FAM76B: variants seen among roughly 807,000 people sequenced by gnomAD.
FAM76B encodes family with sequence similarity 76 member B.
Under a neutral mutation model 51.8 loss-of-function variants are expected in FAM76B, and 16 were observed. That is an observed-to-expected ratio of 0.31 (90% CI 0.21 to 0.47). FAM76B has a LOEUF of 0.47. Ranked by LOEUF, FAM76B falls within the 20% of genes least tolerant of loss-of-function variation. The pLI is 1.00. For missense variants in FAM76B, 342 were observed against 392.6 expected (o/e 0.87, Z 1.09); for synonymous variants, 166 against 129.5 (o/e 1.28, Z -1.91).
rs1481778870 is a variant in FAM76B, at chr11:95,770,823, C to T, written c.*738G>A. The T allele has an allele frequency of 6.6e-6, 1 of 151,592 alleles. No individual in the cohort carries two copies. The highest frequency in any genetic ancestry group is 1.9e-4 in the East Asian group (1 of 5,196). The allele number at this position is 151,592 out of a possible 1,614,324, so 9.4% of individuals were successfully genotyped here. Reference sequence around the variant, plus strand: ...ACATTTATTAAACATGATTTTAAAACAAAATGTATGTACAAAAGATCAGCA... The same window carrying T: ...ACATTTATTAAACATGATTTTAAAATAAAATGTATGTACAAAAGATCAGCA... On this transcript the variant is annotated 3_prime_UTR_variant, in exon 10 of 10. Coordinates refer to ENST00000358780, the MANE Select transcript of FAM76B (RefSeq NM_144664.5).
intron 4 of FAM76B, among the ~76,000 whole-genome samples, chr11:95,784,692 A>G (rs1168637437): frequency 6.7e-6 from 1 of 150,248 alleles, no homozygotes; most frequent in African/African-American, 2.5e-5. Context: ...GGTTCACGCC[A>G]TTCTCCTGCC....
intron 8 of FAM76B, among the ~76,000 whole-genome samples, chr11:95,776,285 T>G (rs1860005070): frequency 6.6e-6 from 1 of 151,380 alleles, no homozygotes; most frequent in Admixed American, 6.6e-5. Context: ...ATGGCTCGAC[T>G]GGAAATAGAG....
At chr11:95,789,014 C>CAGGA (rs1860792371) in intron 1 of FAM76B, 8 of 1,362,982 alleles carry the variant, frequency 5.9e-6, no homozygotes, top group African/African-American at 1.5e-5. Flanking sequence ...GTGCAAAAAC[C>CAGGA]GTCCCCTGCC....
intron 5 of FAM76B, among the ~76,000 whole-genome samples, chr11:95,781,984 T>G (rs1002613337): frequency 4.6e-5 from 7 of 152,202 alleles, no homozygotes; most frequent in Admixed American, 2.0e-4. Flanking sequence ...GCATCAGTTG[T>G]TTGTAAATTC....
chr11:95,787,691 T>C lies in FAM76B; in HGVS notation c.153-13A>G. ...TGTGTTAGTTTTGCTGAAAAATAAA[T>C]TGTATATAGATCATGTTTATGTAGC... On this transcript the variant is annotated splice_polypyrimidine_tract_variant and intron_variant, in intron 2 of 9. Coordinates refer to ENST00000358780, the MANE Select transcript of FAM76B (RefSeq NM_144664.5). 6.3e-7 allele frequency: 1 copy of C among 1,590,952 alleles called. No homozygotes were observed. Among genetic ancestry groups the C allele is most frequent in the Non-Finnish European group, 8.6e-7 (1 of 1,163,678 alleles).
chr11:95,780,927 G>A (rs116665611), intron 5 of FAM76B, among the ~76,000 whole-genome samples: 4 of 151,912 alleles, frequency 2.6e-5, no homozygotes, highest in Non-Finnish European at 5.9e-5. Flanking sequence ...TTCAGCTGTA[G>A]AAGTTTTTTA....
intron 2 of FAM76B, 91 bp downstream of exon 2, chr11:95,788,408 T>C (rs1860723609): frequency 4.7e-6 from 5 of 1,066,088 alleles, no homozygotes; most frequent in Non-Finnish European, 4.2e-6. Context: ...TTTTTAAAAA[T>C]ACTTTCATAA....
rs1431489767 is a variant in FAM76B, at chr11:95,770,129, G to GT, written c.*1431dup. ...AGAGAAGCAACTCACTCTATACAGT[G>GT]TATCTAGCAATACTTTAAAATCAAA... On this transcript the variant is annotated 3_prime_UTR_variant, in exon 10 of 10. Coordinates refer to ENST00000358780, the MANE Select transcript of FAM76B (RefSeq NM_144664.5). The GT allele has an allele frequency of 1.3e-5, 2 of 151,480 alleles. No homozygotes were observed. The highest frequency in any genetic ancestry group is 4.8e-5 in the African/African-American group (2 of 41,352). 9.4% of individuals were successfully genotyped at this position (151,480 alleles called of 1,614,324 possible).
chr11:95,784,786 A>C (rs1860470316), intron 4 of FAM76B, among the ~76,000 whole-genome samples: 1 of 151,934 alleles, frequency 6.6e-6, no homozygotes, highest in African/African-American at 2.4e-5. Flanking sequence ...ACGGGGTTTC[A>C]CCGTGTTAGC....
At position 95,787,583 on chromosome 11, in the gene FAM76B, T is replaced by C. The variant is rs746917985; in HGVS notation, c.207+41A>G. 110 of 1,583,354 alleles carry C rather than the reference T, an allele frequency of 6.9e-5. No homozygotes were observed. The highest frequency in any genetic ancestry group is 8.9e-5 in the Non-Finnish European group (103 of 1,157,494). On this transcript the variant is annotated intron_variant, in intron 3 of 9. Transcript: ENST00000358780. ...AAAAGGTCCAGCTTTATGAAAAATA[T>C]TAACTGGTAACAATGACATGAAAAC...
chr11:95,777,028 C>G (rs1250122749), intron 8 of FAM76B, among the ~76,000 whole-genome samples: 1 of 151,206 alleles, frequency 6.6e-6, no homozygotes, highest in South Asian at 2.1e-4. Context: ...TCTGAAATGC[C>G]AACATACACC....
chr11:95,771,460 T>G lies in FAM76B; in HGVS notation c.*101A>C. ...ACAGGAAACACACCAATTCATTTGG[T>G]GTGCAAAAATATTTTTCTACTACAC... On this transcript the variant is annotated 3_prime_UTR_variant, in exon 10 of 10. Coordinates refer to ENST00000358780, the MANE Select transcript of FAM76B (RefSeq NM_144664.5). 1 of 739,508 alleles carries G rather than the reference T, an allele frequency of 1.4e-6. No homozygotes were observed. Among genetic ancestry groups the G allele is most frequent in the South Asian group, 1.8e-5 (1 of 54,296 alleles). The allele number at this position is 739,508 out of a possible 1,614,324, so 45.8% of individuals were successfully genotyped here. A position where few individuals can be genotyped will look rare whatever the true frequency, so the allele number is the denominator to read the frequency against.
intron 5 of FAM76B, among the ~76,000 whole-genome samples, chr11:95,782,375 T>G (rs562645639): frequency 1.3e-5 from 2 of 152,210 alleles, no homozygotes; most frequent in South Asian, 2.1e-4. Flanking sequence ...GAAACCTGCA[T>G]ATATAGAAGG....
chr11:95,778,683 G>A, intron 8 of FAM76B, 139 bp downstream of exon 8: 1 of 1,077,086 alleles, frequency 9.3e-7, no homozygotes, highest in Non-Finnish European at 1.3e-6. Context: ...ATGGCTTCAG[G>A]GGCTTTTGTA....
At position 95,769,943 on chromosome 11, in the gene FAM76B, C is replaced by G. The variant is rs937704219; in HGVS notation, c.*1618G>C. 1 of 151,334 alleles carries G rather than the reference C, an allele frequency of 6.6e-6. No homozygotes were observed. The highest frequency in any genetic ancestry group is 1.5e-5 in the Non-Finnish European group (1 of 67,538). The allele number at this position is 151,334 out of a possible 1,614,324, so 9.4% of individuals were successfully genotyped here. ...ACTATGAGAACAGTCTATTGAAACA[C>G]GTCATGTTAAAAAAAAATTGTTTCA... On this transcript the variant is annotated 3_prime_UTR_variant, in exon 10 of 10. Transcript: ENST00000358780.
At chr11:95,771,757 C>A (rs116380897) in intron 9 of FAM76B, 107 bp from the exon 10 acceptor site, 1 of 809,204 alleles carries the variant, frequency 1.2e-6, no homozygotes, top group African/African-American at 1.8e-5. Flanking sequence ...AAATGTTTCA[C>A]TAAAGCACTA....
intron 4 of FAM76B, 95 bp downstream of exon 4, chr11:95,786,024 T>C (rs888702502): frequency 6.2e-6 from 9 of 1,443,848 alleles, no homozygotes; most frequent in South Asian, 4.3e-5. Flanking sequence ...ACCTAAAGAA[T>C]AGATCCAGTC....
chr11:95,789,261 G>C (rs1860832907), intron 1 of FAM76B, 131 bp downstream of exon 1: 4 of 1,053,926 alleles, frequency 3.8e-6, no homozygotes, highest in African/African-American at 1.6e-5. Context: ...TCCCCGAGTG[G>C]GGAGGCGAGG....
intron 4 of FAM76B, 152 bp downstream of exon 4, chr11:95,785,967 G>C: frequency 1.1e-6 from 1 of 877,680 alleles, no homozygotes; most frequent in South Asian, 2.1e-5. Flanking sequence ...CAAACAAAGA[G>C]AAAACTCACT....
Sources: gnomAD v4.1 joint callset for allele counts (sites outside exome capture counted in the v4.1 genomes callset) on GRCh38, gnomAD v4.1.1 for gene constraint, MANE v1.5 for transcripts, NCBI Gene and HGNC (gene_info 2026-07-23, HGNC 2026-07-21) for gene names.